Variants in TENM3 observed in about 807,000 individuals in gnomAD.
TENM3 encodes teneurin transmembrane protein 3.
A neutral mutation model predicts 255.1 loss-of-function variants in TENM3; 63 were observed. The ratio of observed to expected loss-of-function variants is 0.25; its 90% CI spans 0.20 to 0.30. The LOEUF is 0.30. Ranked by LOEUF, TENM3 falls within the 10% of genes least tolerant of loss-of-function variation. TENM3 has a pLI of 1.00. For missense variants in TENM3, 2,929 were observed against 3,461.1 expected (o/e 0.85, Z 3.86); for synonymous variants, 1,306 against 1,322.3 (o/e 0.99, Z 0.27).
chr4:182,436,815 C>T (rs373888461), intron 3 of TENM3, among the ~76,000 whole-genome samples: 9 of 151,864 alleles, frequency 5.9e-5, no homozygotes, highest in African/African-American at 1.7e-4. Flanking sequence ...GTCAGGAGTT[C>T]GAGACCAGCC....
chr4:182,646,035 T>G (rs6552587), intron 5 of TENM3, among the ~76,000 whole-genome samples: 101,549 of 151,980 alleles, frequency 0.67, 35,086 homozygotes, highest in East Asian at 0.85. Flanking sequence ...TGTCAAGGGG[T>G]TTCTGCTCAC....
chr4:181,584,759 A>G, the TENM3 span, among the ~76,000 whole-genome samples: 1 of 152,114 alleles, frequency 6.6e-6, no homozygotes, highest in African/African-American at 2.4e-5. Flanking sequence ...TAAAATTACA[A>G]TTGCACCTCA....
chr4:181,702,317 A>G, the TENM3 span, among the ~76,000 whole-genome samples: 1 of 152,214 alleles, frequency 6.6e-6, no homozygotes, highest in Non-Finnish European at 1.5e-5. Context: ...ATACATAAAT[A>G]AAATGGAAGA....
chr4:181,587,902 G>T, the TENM3 span, among the ~76,000 whole-genome samples: 1 of 152,106 alleles, frequency 6.6e-6, no homozygotes, highest in African/African-American at 2.4e-5. Flanking sequence ...GACTCACTCT[G>T]GGACCTGCAG....
intron 7 of TENM3, among the ~76,000 whole-genome samples, chr4:182,673,937 G>C (rs1344140564): frequency 6.6e-6 from 1 of 152,134 alleles, no homozygotes; most frequent in Non-Finnish European, 1.5e-5. Flanking sequence ...ACAGTACCGG[G>C]TCATAGTATG....
chr4:182,299,807 G>T (rs1378177845), intron 1 of TENM3, among the ~76,000 whole-genome samples: 1 of 151,876 alleles, frequency 6.6e-6, no homozygotes, highest in Non-Finnish European at 1.5e-5. Flanking sequence ...GAAAATCCAG[G>T]CCCCAGTGTG....
At chr4:182,404,555 G>A (rs1769429170) in intron 3 of TENM3, among the ~76,000 whole-genome samples, 2 of 152,122 alleles carry the variant, frequency 1.3e-5, no homozygotes, top group South Asian at 4.1e-4. Context: ...ACTGGAAGCC[G>A]CCGACAGTAT....
chr4:181,726,826 G>T, the TENM3 span, among the ~76,000 whole-genome samples: 1 of 152,188 alleles, frequency 6.6e-6, no homozygotes, highest in Non-Finnish European at 1.5e-5. Flanking sequence ...GCCCCAGGTT[G>T]TTCTACCTGC....
chr4:182,449,052 TC>T, intron 3 of TENM3: 1 of 366,314 alleles, frequency 2.7e-6, no homozygotes, highest in Non-Finnish European at 5.5e-6. Flanking sequence ...GCTCGGTTCC[TC>T]ACGGCCACAG....
chr4:181,825,858 A>C, the TENM3 span, among the ~76,000 whole-genome samples: 1 of 152,228 alleles, frequency 6.6e-6, no homozygotes, highest in South Asian at 2.1e-4. Context: ...CAATGAAAAA[A>C]CCAATTCCTC....
chr4:182,334,870 A>T (rs937430697), intron 2 of TENM3, among the ~76,000 whole-genome samples: 2 of 152,164 alleles, frequency 1.3e-5, no homozygotes, highest in Non-Finnish European at 2.9e-5. Context: ...GATAGGAATG[A>T]CTTGAGCCAT....
the TENM3 span, among the ~76,000 whole-genome samples, chr4:182,007,584 T>G: frequency 1.3e-5 from 2 of 152,238 alleles, no homozygotes; most frequent in African/African-American, 4.8e-5. Context: ...TGGTAAATTT[T>G]CCTCCATCCC....
the TENM3 span, among the ~76,000 whole-genome samples, chr4:181,467,571 T>G: frequency 6.6e-6 from 1 of 152,054 alleles, no homozygotes; most frequent in South Asian, 2.1e-4. Context: ...AATAATTAAA[T>G]AGAGTAAAAA....
the TENM3 span, among the ~76,000 whole-genome samples, chr4:181,770,219 G>GTT: frequency 6.6e-6 from 1 of 152,000 alleles, no homozygotes; most frequent in East Asian, 1.9e-4. Context: ...AGGTTGAGGG[G>GTT]TTATATATAT....
the TENM3 span, among the ~76,000 whole-genome samples, chr4:181,606,854 C>T: frequency 6.6e-6 from 1 of 152,016 alleles, no homozygotes; most frequent in African/African-American, 2.4e-5. Context: ...CTTACTGTGG[C>T]TAGGGAGTTG....
the TENM3 span, among the ~76,000 whole-genome samples, chr4:181,498,588 G>T: frequency 3.3e-5 from 5 of 152,214 alleles, no homozygotes; most frequent in Non-Finnish European, 7.4e-5. Flanking sequence ...GCTAACATGT[G>T]GAGCGGGGAG....
chr4:181,717,905 CAT>C, the TENM3 span, among the ~76,000 whole-genome samples: 1 of 152,136 alleles, frequency 6.6e-6, no homozygotes, highest in Non-Finnish European at 1.5e-5. Flanking sequence ...CGCGGGATAA[CAT>C]GTGAATAGTG....
chr4:181,919,005 CA>C, the TENM3 span, among the ~76,000 whole-genome samples: 2 of 152,094 alleles, frequency 1.3e-5, no homozygotes, highest in African/African-American at 4.8e-5. Context: ...CCCCACTCCC[CA>C]AAATAAAACA....
chr4:182,773,067 A>G (rs1310651037), intron 22 of TENM3, among the ~76,000 whole-genome samples: 1 of 152,252 alleles, frequency 6.6e-6, no homozygotes, highest in Non-Finnish European at 1.5e-5. Flanking sequence ...CTGTACTGCC[A>G]CCGAGGGAGT....
Sources: allele counts gnomAD v4.1 joint callset (sites outside exome capture counted in the v4.1 genomes callset), GRCh38; gene constraint gnomAD v4.1.1; transcripts MANE v1.5; gene names NCBI Gene and HGNC (gene_info 2026-07-23, HGNC 2026-07-21).